Variants in DPY19L1 observed in about 807,000 individuals in gnomAD.
The protein encoded by DPY19L1 is protein C-mannosyl-transferase DPY19L1.
A neutral mutation model predicts 96.9 loss-of-function variants in DPY19L1; 35 were observed. The ratio of observed to expected loss-of-function variants is 0.36; its 90% confidence interval spans 0.28 to 0.48. DPY19L1 has a LOEUF of 0.48. DPY19L1 is among the 20% of genes least tolerant of loss of function. DPY19L1 has a pLI of 0.99. For synonymous variants in DPY19L1, 205 were observed against 252.6 expected (o/e 0.81, Z 1.79); for missense variants, 521 against 777.9 (o/e 0.67, Z 3.93).
At chr7:34,969,573 A>T (rs1562810829) in intron 8 of DPY19L1, 41 bp from the exon 9 acceptor site, 1 of 1,054,670 alleles carries the variant, frequency 9.5e-7, no homozygotes, top group South Asian at 1.9e-5. Flanking sequence ...TTAAACACGA[A>T]ATAGTCTAGC....
At chr7:34,941,501 G>C in intron 18 of DPY19L1, among the ~76,000 whole-genome samples, 1 of 152,182 alleles carries the variant, frequency 6.6e-6, no homozygotes, top group Non-Finnish European at 1.5e-5. Flanking sequence ...ATTAAGCTCT[G>C]CTTTCTATCA....
chr7:35,004,838 A>T (rs1053418964), intron 6 of DPY19L1, among the ~76,000 whole-genome samples: 1 of 152,208 alleles, frequency 6.6e-6, no homozygotes, highest in Non-Finnish European at 1.5e-5. Context: ...CAAAAGTCCA[A>T]GTAGGCAGCA....
intron 21 of DPY19L1, 100 bp from the exon 22 acceptor site, chr7:34,931,829 C>A: frequency 7.0e-7 from 1 of 1,437,766 alleles, no homozygotes; most frequent in Non-Finnish European, 9.2e-7. Context: ...CCTTTTTTCC[C>A]CTTAAATTAC....
At chr7:35,023,996 C>A (rs545132020) in intron 1 of DPY19L1, among the ~76,000 whole-genome samples, 146 of 151,880 alleles carry the variant, frequency 9.6e-4, no homozygotes, top group African/African-American at 2.9e-3. Flanking sequence ...CCACCACACC[C>A]GGCTAATTTT....
chr7:34,932,160 G>C (rs1274308291), intron 21 of DPY19L1, among the ~76,000 whole-genome samples: 1 of 152,180 alleles, frequency 6.6e-6, no homozygotes, highest in Non-Finnish European at 1.5e-5. Flanking sequence ...ACAGAAAAAC[G>C]TATGACATTG....
intron 1 of DPY19L1, among the ~76,000 whole-genome samples, chr7:35,027,988 A>C (rs1584264327): frequency 3.9e-5 from 6 of 152,368 alleles, no homozygotes; most frequent in African/African-American, 1.4e-4. Flanking sequence ...GCATTAAGCA[A>C]AACTGTGCTT....
At chr7:34,946,907 T>C (rs1445478726) in intron 15 of DPY19L1, among the ~76,000 whole-genome samples, 1 of 152,250 alleles carries the variant, frequency 6.6e-6, no homozygotes, top group African/African-American at 2.4e-5. Context: ...AGTACAAATA[T>C]ATAATATGAA....
At chr7:34,989,424 G>A (rs1785116417) in intron 7 of DPY19L1, among the ~76,000 whole-genome samples, 1 of 152,038 alleles carries the variant, frequency 6.6e-6, no homozygotes, top group South Asian at 2.1e-4. Context: ...AGACCAGCCT[G>A]GGCAACATAG....
At chr7:35,013,868 A>G (rs1434570995) in intron 3 of DPY19L1, among the ~76,000 whole-genome samples, 163 bp from the exon 4 acceptor site, 1 of 139,388 alleles carries the variant, frequency 7.2e-6, no homozygotes, top group African/African-American at 2.6e-5. Flanking sequence ...AAGTTGTGAA[A>G]AAACTATGTA....
chr7:34,981,276 T>C (rs1335132115), intron 7 of DPY19L1, among the ~76,000 whole-genome samples: 2 of 152,004 alleles, frequency 1.3e-5, no homozygotes, highest in South Asian at 2.1e-4. Context: ...CCTATGCAAA[T>C]ATAATAAAAT....
At chr7:34,934,022 G>A (rs1201901012) in intron 21 of DPY19L1, among the ~76,000 whole-genome samples, 2 of 152,200 alleles carry the variant, frequency 1.3e-5, no homozygotes, top group African/African-American at 2.4e-5. Flanking sequence ...GGAGTGCAGT[G>A]GTGTGATCTC....
At chr7:34,935,700 T>C (rs1375237778) in intron 21 of DPY19L1, among the ~76,000 whole-genome samples, 2 of 152,200 alleles carry the variant, frequency 1.3e-5, no homozygotes, top group Non-Finnish European at 2.9e-5. Context: ...TACAGGGGTT[T>C]CAGGCTGATC....
intron 10 of DPY19L1, among the ~76,000 whole-genome samples, chr7:34,964,945 A>G (rs1259858478): frequency 3.9e-5 from 6 of 152,224 alleles, no homozygotes; most frequent in Non-Finnish European, 8.8e-5. Context: ...ATTATGAATC[A>G]GAGAAAATGC....
intron 1 of DPY19L1, among the ~76,000 whole-genome samples, chr7:35,034,800 T>C (rs1399075047): frequency 6.6e-6 from 1 of 152,230 alleles, no homozygotes; most frequent in Non-Finnish European, 1.5e-5. Context: ...AATTGTTCTT[T>C]TTTTGATCAG....
chr7:34,996,316 T>C (rs1486723501), intron 6 of DPY19L1, among the ~76,000 whole-genome samples: 1 of 152,198 alleles, frequency 6.6e-6, no homozygotes, highest in Non-Finnish European at 1.5e-5. Context: ...TGTGTTCAGG[T>C]GAGCCTCTGC....
At chr7:35,014,511 C>T (rs1307502983) in intron 3 of DPY19L1, among the ~76,000 whole-genome samples, 1 of 152,170 alleles carries the variant, frequency 6.6e-6, no homozygotes, top group Non-Finnish European at 1.5e-5. Context: ...TCAGTTTTCC[C>T]TGGAGCTGCC....
intron 15 of DPY19L1, 131 bp downstream of exon 15, chr7:34,947,499 A>G: frequency 1.5e-6 from 1 of 658,584 alleles, no homozygotes; most frequent in Non-Finnish European, 2.6e-6. Context: ...TCATTAAGAA[A>G]ACATAGAATA....
At chr7:34,952,051 T>C (rs980967435) in intron 13 of DPY19L1, among the ~76,000 whole-genome samples, 1 of 143,778 alleles carries the variant, frequency 7.0e-6, no homozygotes, top group Admixed American at 6.9e-5. Context: ...ATGGTTAACA[T>C]TGAATTACTA....
chr7:34,974,149 A>G (rs761619854), intron 7 of DPY19L1, among the ~76,000 whole-genome samples: 1 of 152,190 alleles, frequency 6.6e-6, no homozygotes, highest in Non-Finnish European at 1.5e-5. Flanking sequence ...TTAAGTAACA[A>G]AAGTCCTGAA....
Sources: gnomAD v4.1 joint callset for allele counts (sites outside exome capture counted in the v4.1 genomes callset) on GRCh38, gnomAD v4.1.1 for gene constraint, MANE v1.5 for transcripts, NCBI Gene and HGNC (gene_info 2026-07-23, HGNC 2026-07-21) for gene names.